CCDC144A: variants seen among roughly 807,000 people sequenced by gnomAD.
CCDC144A encodes the protein coiled-coil domain-containing protein 144A.
A neutral mutation model predicts 143.8 loss-of-function variants in CCDC144A; 41 were observed. The observed-to-expected ratio is 0.29, with a 90% confidence interval of 0.22 to 0.37. The LOEUF is 0.37. Among genes scored for constraint, CCDC144A ranks in the 10% least tolerant of loss-of-function variants. The pLI is 1.00. For missense variants in CCDC144A, 637 were observed against 1,488.8 expected, an observed-to-expected ratio of 0.43 and a Z score of 9.41; for synonymous variants, 242 against 517.9, an observed-to-expected ratio of 0.47 and a Z score of 7.23.
At chr17:16,672,309 G>A in the CCDC144A span, among the ~76,000 whole-genome samples, 1 of 152,026 alleles carries the variant, frequency 6.6e-6, no homozygotes, top group African/African-American at 2.4e-5. Context: ...GCCGGGCACA[G>A]TGGCTCACTC....
intron 9 of CCDC144A, among the ~76,000 whole-genome samples, chr17:16,729,418 T>C (rs529307720): frequency 6.6e-5 from 10 of 152,354 alleles, no homozygotes; most frequent in Non-Finnish European, 8.8e-5. Context: ...ATGTCATTTG[T>C]GTACTTTTTG....
chr17:16,667,436 T>C, the CCDC144A span, among the ~76,000 whole-genome samples: 2 of 150,230 alleles, frequency 1.3e-5, no homozygotes, highest in Non-Finnish European at 3.0e-5. Flanking sequence ...CTGAAGGGAC[T>C]GAGGGGCTGA....
At chr17:16,686,089 TTG>T (rs1491501108), upstream of CCDC144A, among the ~76,000 whole-genome samples, 7 of 138,936 alleles carry the variant, frequency 5.0e-5, no homozygotes, top group Admixed American at 2.2e-4. Context: ...GCTGTTTTTT[TTG>T]TTTTTTTTTT....
intron 12 of CCDC144A, among the ~76,000 whole-genome samples, chr17:16,748,124 T>G (rs1238859171): frequency 6.6e-6 from 1 of 152,194 alleles, no homozygotes; most frequent in Non-Finnish European, 1.5e-5. Context: ...CTCAAGTGAT[T>G]CTCCTGTCTT....
chr17:16,769,398 T>C (rs1471533718), intron 15 of CCDC144A, among the ~76,000 whole-genome samples: 2 of 152,270 alleles, frequency 1.3e-5, no homozygotes, highest in Non-Finnish European at 2.9e-5. Flanking sequence ...TTGAAATTAA[T>C]CCCATGTCTT....
intron 6 of CCDC144A, among the ~76,000 whole-genome samples, chr17:16,713,886 T>TG (rs1912592904): frequency 6.6e-6 from 1 of 152,206 alleles, no homozygotes; most frequent in Non-Finnish European, 1.5e-5. Flanking sequence ...TATATACTCA[T>TG]GGATTCAGAT....
intron 12 of CCDC144A, chr17:16,746,268 T>TCA: frequency 2.9e-6 from 3 of 1,026,684 alleles, no homozygotes; most frequent in Non-Finnish European, 2.6e-6. Flanking sequence ...TGTCTCTCTC[T>TCA]CTCTTTTTTT....
chr17:16,744,958 A>C (rs1914427880), intron 12 of CCDC144A, among the ~76,000 whole-genome samples: 1 of 152,120 alleles, frequency 6.6e-6, no homozygotes, highest in African/African-American at 2.4e-5. Context: ...TATTTGGGCA[A>C]ATTCTTAAAT....
intron 11 of CCDC144A, among the ~76,000 whole-genome samples, chr17:16,734,096 C>T (rs373426956): frequency 6.1e-5 from 9 of 148,442 alleles, no homozygotes; most frequent in Admixed American, 5.4e-4. Flanking sequence ...GTCTTGATTG[C>T]GTCACTGCCC....
At chr17:16,758,616 A>C (rs1915211593) in intron 12 of CCDC144A, among the ~76,000 whole-genome samples, 1 of 152,230 alleles carries the variant, frequency 6.6e-6, no homozygotes, top group African/African-American at 2.4e-5. Context: ...CACTTACTTG[A>C]TTTGGACTTC....
At chr17:16,766,177 C>T (rs1915587616) in intron 15 of CCDC144A, 1 of 152,504 alleles carries the variant, frequency 6.6e-6, no homozygotes, top group South Asian at 2.1e-4. Flanking sequence ...GAGGGGGCTT[C>T]CAGGTCACAG....
intron 2 of CCDC144A, among the ~76,000 whole-genome samples, chr17:16,697,928 G>A (rs1911511477): frequency 6.6e-6 from 1 of 152,190 alleles, no homozygotes. Flanking sequence ...GGACACGAGG[G>A]AGTAGGCAGT....
chr17:16,669,222 G>A, the CCDC144A span, among the ~76,000 whole-genome samples: 1 of 152,168 alleles, frequency 6.6e-6, no homozygotes, highest in Non-Finnish European at 1.5e-5. Flanking sequence ...CATAATATAT[G>A]TAATGCTATC....
the CCDC144A span, among the ~76,000 whole-genome samples, chr17:16,672,294 TG>T: frequency 6.6e-6 from 1 of 152,118 alleles, no homozygotes; most frequent in East Asian, 1.9e-4. Flanking sequence ...ACCTGGGACA[TG>T]TCGGCCGGGC....
intron 12 of CCDC144A, among the ~76,000 whole-genome samples, chr17:16,737,130 T>A (rs1309237391): frequency 6.6e-6 from 1 of 150,784 alleles, no homozygotes; most frequent in Non-Finnish European, 1.5e-5. Flanking sequence ...TATGTGTTGA[T>A]GTTTTTCAAA....
At chr17:16,729,989 T>TATATATATATATATATACATAC (rs1567597673) in intron 9 of CCDC144A, among the ~76,000 whole-genome samples, 6 of 121,160 alleles carry the variant, frequency 5.0e-5, no homozygotes, top group African/African-American at 1.8e-4. Context: ...TATATATATA[T>TATATATATATATATATACATAC]ATACACACAT....
chr17:16,685,821 G>T (rs2142732336), upstream of CCDC144A, among the ~76,000 whole-genome samples: 1 of 151,256 alleles, frequency 6.6e-6, no homozygotes, highest in Admixed American at 6.6e-5. Context: ...GCCCAGGCGG[G>T]AGTGGAATGG....
chr17:16,683,490 C>A, the CCDC144A span: 2 of 1,459,730 alleles, frequency 1.4e-6, no homozygotes, highest in South Asian at 1.2e-5. Flanking sequence ...CTTGCCCTGC[C>A]GCCGCTCTCG....
chr17:16,729,128 A>G (rs1913582244), intron 9 of CCDC144A, among the ~76,000 whole-genome samples: 1 of 152,144 alleles, frequency 6.6e-6, no homozygotes, highest in Non-Finnish European at 1.5e-5. Context: ...GTTGGATTGA[A>G]TGGTAGCTCT....
Sources: allele counts gnomAD v4.1 joint callset (sites outside exome capture counted in the v4.1 genomes callset), GRCh38; gene constraint gnomAD v4.1.1; transcripts MANE v1.5; gene names NCBI Gene and HGNC (gene_info 2026-07-23, HGNC 2026-07-21).